The following PCDHA10 variants were observed in gnomAD, a reference collection of about 807,000 sequenced individuals.
The protein encoded by PCDHA10 is protocadherin alpha 10.
Under a neutral mutation model 61.2 loss-of-function variants are expected in PCDHA10, and 45 were observed. That is an observed-to-expected ratio of 0.74 (90% CI 0.58 to 0.94). The LOEUF is 0.94. PCDHA10 is among the 40% of genes least tolerant of loss of function. The pLI is 0.00. For synonymous variants in PCDHA10, 602 were observed against 548.8 expected, an observed-to-expected ratio of 1.10 and a Z score of -1.35; for missense variants, 1,278 against 1,236.2, an observed-to-expected ratio of 1.03 and a Z score of -0.51.
intron 1 of PCDHA10, chr5:140,969,475 C>A: frequency 1.4e-6 from 2 of 1,476,386 alleles, no homozygotes; most frequent in South Asian, 1.4e-5. Context: ...ACAATTTGAT[C>A]ATAATCTGCT....
chr5:140,888,270 G>A (rs965190959), intron 1 of PCDHA10, among the ~76,000 whole-genome samples: 9 of 152,102 alleles, frequency 5.9e-5, no homozygotes. Flanking sequence ...ATAAGAAACA[G>A]TTTTGTCCCC....
At chr5:140,893,119 C>T (rs2063831505) in intron 1 of PCDHA10, among the ~76,000 whole-genome samples, 1 of 152,174 alleles carries the variant, frequency 6.6e-6, no homozygotes, top group Admixed American at 6.5e-5. Context: ...TGTGCATATA[C>T]ACCACATTTT....
chr5:140,887,317 C>T lies in PCDHA10; in HGVS notation c.2388+28881C>T, dbSNP rs10066665. ...TTCATCTTGTTAGCCAGGATAGTCT[C>T]GAACTCCTGACCTCGTGATCCACCT... On this transcript the variant is annotated intron_variant, in intron 1 of 3. Transcript: ENST00000307360. Among the ~76,000 whole-genome samples the T allele has an allele frequency of 7.3e-3, 1,116 of 152,162 alleles. 15 individuals carry two copies. The highest frequency in any genetic ancestry group is 0.025 in the African/African-American group (1,043 of 41,520).
intron 1 of PCDHA10, among the ~76,000 whole-genome samples, chr5:140,893,588 A>G (rs2064072698): frequency 6.6e-6 from 1 of 152,212 alleles, no homozygotes; most frequent in South Asian, 2.1e-4. Flanking sequence ...TTGTTTGGGA[A>G]ATACTTTATT....
rs78358581 is a variant in PCDHA10 at position 140,924,264 on chromosome 5, T to G, written c.2389-54685T>G. 2.9e-3 allele frequency among the ~76,000 whole-genome samples: 442 copies of G among 152,342 alleles called. 1 individual carries two copies. Among genetic ancestry groups the G allele is most frequent in the African/African-American group, 0.01 (423 of 41,584 alleles). On this transcript the variant is annotated intron_variant, in intron 1 of 3. Coordinates refer to ENST00000307360, the MANE Select transcript of PCDHA10 (RefSeq NM_018901.4). Reference sequence around the variant, plus strand: ...TGCATCCTGGTGAGATCTAATGAGGTCTGTACTTGTGACTACCTAATAGGC... The same window carrying G: ...TGCATCCTGGTGAGATCTAATGAGGGCTGTACTTGTGACTACCTAATAGGC...
chr5:140,977,701 G>A (rs1299788207), intron 1 of PCDHA10, among the ~76,000 whole-genome samples: 2 of 152,146 alleles, frequency 1.3e-5, no homozygotes, highest in African/African-American at 4.8e-5. Context: ...AAATCTGTCT[G>A]AATATTGAGA....
intron 1 of PCDHA10, chr5:140,864,197 G>A (rs2048362384): frequency 6.6e-6 from 1 of 152,118 alleles, no homozygotes; most frequent in Non-Finnish European, 1.5e-5. Context: ...ATCCTTATGA[G>A]AAGGTCAAAT....
Position 140,857,655 on chromosome 5 carries a change from C to G in PCDHA10, c.1607C>G (p.Ala536Gly), listed in dbSNP as rs782490979. 3.1e-6 allele frequency: 5 copies of G among 1,596,614 alleles called. No homozygotes were observed. The Admixed American group carries it at 6.7e-5, about 22-fold the overall frequency. ...GAGCTGCTACAGTTCCAGGTGAGCG[C>G]GCGCGATGGGGGCGTGCCGCCTCTG... ...ELELLQFQVS[A>G]RDGGVPPLGS... Residue 536 changes from alanine to glycine, a missense_variant, in exon 1 of 4, where the codon GCG (alanine) becomes GGG (glycine). Transcript: ENST00000307360.
chr5:140,993,523 CAG>C (rs111789518), intron 3 of PCDHA10, among the ~76,000 whole-genome samples: 1,510 of 145,458 alleles, frequency 0.01, 24 homozygotes, highest in African/African-American at 0.035. Flanking sequence ...GAGAGAGAGA[CAG>C]AGAGAGAGAG....
chr5:140,912,500 T>C (rs1554195386), intron 1 of PCDHA10, among the ~76,000 whole-genome samples: 1 of 152,204 alleles, frequency 6.6e-6, no homozygotes, highest in Non-Finnish European at 1.5e-5. Flanking sequence ...TAGGAGCTTT[T>C]TGGATGAATC....
At position 140,869,037 on chromosome 5, in the gene PCDHA10, C is replaced by T. The variant is rs547872988; in HGVS notation, c.2388+10601C>T. 8.6e-5 allele frequency: 132 copies of T among 1,528,404 alleles called. No individual in the cohort carries two copies. In the East Asian group the frequency reaches 2.7e-3, roughly 31 times the overall value. The allele number at this position is 1,528,404 out of a possible 1,614,324, so 94.7% of individuals were successfully genotyped here. ...CTTAAGAATTCAACGAGATTTTTAA[C>T]CTGAAACTGAAGAATCTGGTACTGT... On this transcript the variant is annotated intron_variant, in intron 1 of 3. Coordinates refer to ENST00000307360, the MANE Select transcript of PCDHA10 (RefSeq NM_018901.4).
At chr5:140,869,419 C>G (rs782550413) in intron 1 of PCDHA10, 10 of 1,614,078 alleles carry the variant, frequency 6.2e-6, no homozygotes, top group African/African-American at 1.3e-5. Context: ...CAGCATCCAC[C>G]TGGAGGTGAT....
intron 1 of PCDHA10, chr5:140,864,182 TA>T: frequency 6.6e-6 from 1 of 152,352 alleles, no homozygotes; most frequent in East Asian, 1.9e-4. Context: ...TCATGATGAA[TA>T]ATGATCCTTA....
intron 1 of PCDHA10, among the ~76,000 whole-genome samples, chr5:140,930,847 A>G (rs1411771257): frequency 6.6e-6 from 1 of 152,224 alleles, no homozygotes; most frequent in Non-Finnish European, 1.5e-5. Context: ...AAATATGTGC[A>G]TATATGAATT....
In PCDHA10 at chr5:140,976,256, AAC is replaced by A. The variant is rs372931931; in HGVS notation, c.2389-2689_2389-2688del. On this transcript the variant is annotated intron_variant, in intron 1 of 3. Transcript: ENST00000307360. Reference sequence around the variant, plus strand: ...TGTCATTTCATGTAAATTTATTTAAAACACAGACTTTTGGCAAGGCACAGTGG... The same window carrying A: ...TGTCATTTCATGTAAATTTATTTAAAACAGACTTTTGGCAAGGCACAGTGG... Among the ~76,000 whole-genome samples the A allele has an allele frequency of 3.2e-3, 487 of 152,352 alleles. 7 individuals carry two copies. Among genetic ancestry groups the A allele is most frequent in the Middle Eastern group, 0.01 (3 of 294 alleles).
chr5:140,871,326 C>T (rs2052980774), intron 1 of PCDHA10: 1 of 1,613,978 alleles, frequency 6.2e-7, no homozygotes, highest in African/African-American at 1.3e-5. Context: ...TGGTGTGCTC[C>T]CGCGCGGTGG....
chr5:140,966,674 G>T, intron 1 of PCDHA10: 1 of 1,295,168 alleles, frequency 7.7e-7, no homozygotes, highest in Admixed American at 3.8e-5. Flanking sequence ...GGCGCAGGGT[G>T]GCACGAGCGG....
intron 1 of PCDHA10, among the ~76,000 whole-genome samples, chr5:140,971,002 C>A (rs2096450018): frequency 6.6e-6 from 1 of 152,136 alleles, no homozygotes; most frequent in Non-Finnish European, 1.5e-5. Context: ...CAAAGAGTTT[C>A]CAGAAGTCTT....
intron 3 of PCDHA10, among the ~76,000 whole-genome samples, chr5:140,998,895 A>G (rs545479952): frequency 1.3e-4 from 20 of 152,354 alleles, no homozygotes; most frequent in Non-Finnish European, 1.8e-4. Flanking sequence ...ATAAATAACA[A>G]TGCCTCCGGG....
Sources: gnomAD v4.1 joint callset for allele counts (sites outside exome capture counted in the v4.1 genomes callset) on GRCh38, gnomAD v4.1.1 for gene constraint, MANE v1.5 for transcripts, NCBI Gene and HGNC (gene_info 2026-07-23, HGNC 2026-07-21) for gene names.